The following ZNF395 variants were observed in gnomAD, a reference collection of about 807,000 sequenced individuals.
ZNF395 encodes zinc finger protein 395.
ZNF395 carries 20 observed loss-of-function variants against 57.7 expected under a neutral mutation model. That is an observed-to-expected ratio of 0.35 (90% CI 0.24 to 0.50). ZNF395 has a LOEUF of 0.50. Among genes scored for constraint, ZNF395 ranks in the 20% least tolerant of loss-of-function variants. ZNF395 has a pLI of 0.97. For missense variants in ZNF395, 606 were observed against 671.2 expected (o/e 0.90, Z 1.07); for synonymous variants, 295 against 275.9 (o/e 1.07, Z -0.69).
At chr8:28,354,954 A>G (rs1341201959) in intron 4 of ZNF395, among the ~76,000 whole-genome samples, 1 of 151,788 alleles carries the variant, frequency 6.6e-6, no homozygotes, top group East Asian at 1.9e-4. Context: ...TATAGGAACC[A>G]CTCACAATGG....
intron 1 of ZNF395, among the ~76,000 whole-genome samples, chr8:28,370,739 C>A (rs1801966876): frequency 6.6e-6 from 1 of 152,174 alleles, no homozygotes; most frequent in African/African-American, 2.4e-5. Flanking sequence ...CCCAGGAACA[C>A]AACTGAGGGG....
intron 1 of ZNF395, among the ~76,000 whole-genome samples, chr8:28,382,046 G>A (rs751576267): frequency 2.0e-5 from 3 of 152,096 alleles, no homozygotes; most frequent in Non-Finnish European, 4.4e-5. Context: ...CAGCAATCCC[G>A]AATTTCCTGG....
At position 28,356,717 on chromosome 8, in the gene ZNF395, C is replaced by A. The variant is rs536541461; in HGVS notation, c.536G>T (p.Cys179Phe). 1.2e-6 allele frequency: 2 copies of A among 1,614,226 alleles called. No individual in the cohort carries two copies. The highest frequency in any genetic ancestry group is 2.7e-5 in the African/African-American group (2 of 75,060). ...MAAMVLTSLS[C>F]SPVVQSPPGT... ...GGGAGGACTCTGTACAACAGGGCTGCAGGACAGGGACGTCAGCACCATGGC... is the reference window on the plus strand; with the variant it reads ...GGGAGGACTCTGTACAACAGGGCTGAAGGACAGGGACGTCAGCACCATGGC... The change falls in exon 4 of 10, where the codon TGC becomes TTC. Residue 179 changes from cysteine to phenylalanine, a missense_variant. Cys to Phe is a radical substitution (Grantham distance 205, BLOSUM62 -2). Around this residue, in one of 3 missense-constraint regions of ZNF395, gnomAD observed 309 missense variants for 374.7 expected, o/e 0.82. Coordinates refer to ENST00000344423, the MANE Select transcript of ZNF395 (RefSeq NM_018660.3). This position sits in a 1 kb window ranked among gnomAD's most constrained non-coding sequence, Gnocchi z 4.0.
chr8:28,363,907 C>T (rs554104540), intron 1 of ZNF395, among the ~76,000 whole-genome samples: 271 of 152,252 alleles, frequency 1.8e-3, no homozygotes, highest in Non-Finnish European at 3.1e-3. Flanking sequence ...GTGAACCTGC[C>T]ACTTCTGACT....
At chr8:28,363,846 A>G (rs748888480) in intron 1 of ZNF395, among the ~76,000 whole-genome samples, 4 of 152,018 alleles carry the variant, frequency 2.6e-5, no homozygotes, top group African/African-American at 9.7e-5. Flanking sequence ...TCTACTGCCT[A>G]TTTTGTTTGT....
At chr8:28,374,731 A>G (rs146195228) in intron 1 of ZNF395, among the ~76,000 whole-genome samples, 2 of 152,206 alleles carry the variant, frequency 1.3e-5, no homozygotes, top group Admixed American at 1.3e-4. Flanking sequence ...AAGTATGTCA[A>G]TGGGACTTCT....
Position 28,353,348 on chromosome 8 carries a change from C to A in ZNF395, c.644G>T (p.Ser215Ile). The change falls in exon 5 of 10, where the codon AGC becomes ATC. Residue 215 changes from serine (S) to isoleucine (I), a missense_variant. Ser to Ile is a moderately radical substitution (Grantham distance 142). Coordinates refer to ENST00000344423, the MANE Select transcript of ZNF395 (RefSeq NM_018660.3). Reference sequence around the variant, plus strand: ...CCCACTCCAGTGACCGCTGGTAGTGCTGCTGCCGCTGTCCGAGATGTCACC... The same window carrying A: ...CCCACTCCAGTGACCGCTGGTAGTGATGCTGCCGCTGTCCGAGATGTCACC... ...ESGDISDSGS[S>I]TTSGHWSGSS... The A allele has an allele frequency of 6.2e-7, 1 of 1,600,240 alleles. No individual in the cohort carries two copies. The highest frequency in any genetic ancestry group is 1.7e-5 in the Admixed American group (1 of 58,892).
At chr8:28,349,016 CCT>C in intron 9 of ZNF395, 107 bp downstream of exon 9, 1 of 1,227,358 alleles carries the variant, frequency 8.1e-7, no homozygotes, top group Non-Finnish European at 1.2e-6. Flanking sequence ...CATCTGGGCT[CCT>C]CTCTGGGGAC....
intron 1 of ZNF395, among the ~76,000 whole-genome samples, chr8:28,376,329 G>A (rs1229524882): frequency 7.9e-5 from 12 of 151,914 alleles, no homozygotes; most frequent in Admixed American, 7.9e-4. Context: ...ATCATATTTT[G>A]CTTTTTTTAA....
intron 8 of ZNF395, 77 bp downstream of exon 8, chr8:28,349,987 G>C (rs1801659906): frequency 7.4e-7 from 1 of 1,358,208 alleles, no homozygotes; most frequent in Admixed American, 3.0e-5. Context: ...CGTGCCCAAG[G>C]GATGGCCTCC....
chr8:28,365,620 C>T (rs2129969176), intron 1 of ZNF395: 1 of 152,284 alleles, frequency 6.6e-6, no homozygotes, highest in African/African-American at 2.4e-5. Flanking sequence ...CTGACTGAAA[C>T]AAACTCGTGC....
chr8:28,364,433 C>G (rs1801885701), intron 1 of ZNF395, among the ~76,000 whole-genome samples: 1 of 152,142 alleles, frequency 6.6e-6, no homozygotes, highest in African/African-American at 2.4e-5. Flanking sequence ...AGGCAGATCA[C>G]TTGAGGTCGG....
chr8:28,370,497 G>C (rs555279218), intron 1 of ZNF395, among the ~76,000 whole-genome samples: 13 of 152,234 alleles, frequency 8.5e-5, no homozygotes, highest in Non-Finnish European at 1.5e-4. Flanking sequence ...CAGGCTGAAT[G>C]AGAGTTCACC....
intron 1 of ZNF395, among the ~76,000 whole-genome samples, chr8:28,367,425 G>A (rs1801924149): frequency 6.6e-6 from 1 of 152,286 alleles, no homozygotes; most frequent in East Asian, 1.9e-4. Flanking sequence ...TAGGTCATCT[G>A]ATCTGCTTAC....
Position 28,353,338 on chromosome 8 carries a change from G to A in ZNF395, c.654C>T (p.Ser218=), listed in dbSNP as rs759457939. The stretch of plus-strand genomic sequence containing the variant: ...CACCACTGCTCCCACTCCAGTGACC[G>A]CTGGTAGTGCTGCTGCCGCTGTCCG... The part of the protein sequence containing the change: ...DISDSGSSTT[S]GHWSGSSGVS... The change falls in exon 5 of 10, where the codon AGC becomes AGT. Residue 218 remains serine, a synonymous_variant. Coordinates refer to ENST00000344423, the MANE Select transcript of ZNF395 (RefSeq NM_018660.3). The A allele has an allele frequency of 1.7e-5, 28 of 1,603,602 alleles. No individual in the cohort carries two copies. Among genetic ancestry groups the A allele is most frequent in the African/African-American group, 2.7e-5 (2 of 74,810 alleles).
chr8:28,385,329 C>T (rs1802159213), intron 1 of ZNF395: 1 of 152,250 alleles, frequency 6.6e-6, no homozygotes, highest in Non-Finnish European at 1.5e-5. Flanking sequence ...GCGCTGAGCC[C>T]TGCACTCCCA....
rs1801602066 is a variant in ZNF395 at position 28,346,476 on chromosome 8, C to T, written c.*2243G>A. 1 of 152,594 alleles carries T rather than the reference C, an allele frequency of 6.6e-6. No individual in the cohort carries two copies. The highest frequency in any genetic ancestry group is 1.5e-5 in the Non-Finnish European group (1 of 68,312). 9.5% of individuals were successfully genotyped at this position (152,594 alleles called of 1,614,324 possible). A position where few individuals can be genotyped will look rare whatever the true frequency, so the allele number is the denominator to read the frequency against. On this transcript the variant is annotated 3_prime_UTR_variant, in exon 10 of 10. Transcript: ENST00000344423. ...CCAAGGAGGAGAGGGGGCACAAGCGCAGGCAGGGAAGGTGGCACCAAAACC... is the reference window on the plus strand; with the variant it reads ...CCAAGGAGGAGAGGGGGCACAAGCGTAGGCAGGGAAGGTGGCACCAAAACC...
At chr8:28,381,232 G>A (rs1297827420) in intron 1 of ZNF395, among the ~76,000 whole-genome samples, 3 of 151,874 alleles carry the variant, frequency 2.0e-5, no homozygotes, top group Non-Finnish European at 4.4e-5. Context: ...TAGTAGAGAC[G>A]GGGTTTCACT....
intron 3 of ZNF395, among the ~76,000 whole-genome samples, chr8:28,357,836 T>C (rs115089015): frequency 0.017 from 2,594 of 152,316 alleles, 88 homozygotes; most frequent in African/African-American, 0.06. Flanking sequence ...TGGGATAGGG[T>C]GTGACTGCTT....
Sources: gnomAD v4.1 joint callset for allele counts (sites outside exome capture counted in the v4.1 genomes callset) on GRCh38, gnomAD v4.1.1 for gene constraint, gnomAD v4.1.1 regional missense constraint, Gnocchi (gnomAD v3.1) non-coding constraint, MANE v1.5 for transcripts, NCBI Gene and HGNC (gene_info 2026-07-23, HGNC 2026-07-21) for gene names.